S100Z: variants seen among roughly 807,000 people sequenced by gnomAD.
The protein encoded by S100Z is protein S100-Z.
Under a neutral mutation model 8.5 loss-of-function variants are expected in S100Z, and 11 were observed. That is an observed-to-expected ratio of 1.30 (90% CI 0.82 to 2.15). S100Z has a LOEUF of 2.15. Ranked by LOEUF, S100Z falls within the 30% of genes most tolerant of loss-of-function variation. The pLI, the probability that S100Z is intolerant of heterozygous loss-of-function variation, is 0.00. For synonymous variants in S100Z, 34 were observed against 43.8 expected, an observed-to-expected ratio of 0.78 and a Z score of 0.89; for missense variants, 126 against 117.9, an observed-to-expected ratio of 1.07 and a Z score of -0.32.
rs140591997 is a variant in S100Z, at chr5:76,873,560, C to T, written c.-56-1744C>T. ...TGACCTCAAGTGATCTGCCTCCCAA[C>T]GTGCTGGGATTACAGGATTGAGCCA... On this transcript the variant is annotated intron_variant, in intron 2 of 4. Coordinates refer to ENST00000317593, the MANE Select transcript of S100Z (RefSeq NM_130772.4). 3.2e-3 allele frequency among the ~76,000 whole-genome samples: 486 copies of T among 152,112 alleles called. 1 individual carries two copies. Among genetic ancestry groups the T allele is most frequent in the African/African-American group, 0.011 (462 of 41,504 alleles).
At chr5:76,944,440 A>G in the S100Z span, among the ~76,000 whole-genome samples, 4 of 152,184 alleles carry the variant, frequency 2.6e-5, no homozygotes, top group Non-Finnish European at 4.4e-5. Flanking sequence ...TAAAAGTTAG[A>G]ATAAAATATG....
At chr5:76,898,541 T>C (rs932612759) in intron 4 of S100Z, among the ~76,000 whole-genome samples, 56 of 152,340 alleles carry the variant, frequency 3.7e-4, no homozygotes, top group African/African-American at 1.3e-3. Flanking sequence ...AAATACCTTT[T>C]CAGCATCAAC....
the S100Z span, among the ~76,000 whole-genome samples, chr5:76,942,722 T>A: frequency 7.9e-5 from 12 of 152,276 alleles, no homozygotes; most frequent in African/African-American, 2.6e-4. Context: ...TTTTTACAGA[T>A]GTTGATTCAG....
At chr5:76,927,304 C>T in the S100Z span, among the ~76,000 whole-genome samples, 1 of 152,196 alleles carries the variant, frequency 6.6e-6, no homozygotes, top group Non-Finnish European at 1.5e-5. Context: ...ACCTTCAACT[C>T]ATACCATGTT....
At chr5:76,882,187 TAG>T (rs1487571304) in intron 4 of S100Z, among the ~76,000 whole-genome samples, 2 of 152,096 alleles carry the variant, frequency 1.3e-5, no homozygotes, top group Non-Finnish European at 2.9e-5. Flanking sequence ...ATGAGAACTA[TAG>T]AGAGTGAGTT....
chr5:76,864,295 G>A (rs1751181682), intron 1 of S100Z, among the ~76,000 whole-genome samples: 1 of 149,746 alleles, frequency 6.7e-6, no homozygotes, highest in African/African-American at 2.5e-5. Flanking sequence ...CAAACCTGCT[G>A]TGTTTCCAGT....
chr5:76,886,803 A>T (rs1022284013), intron 4 of S100Z, among the ~76,000 whole-genome samples: 1 of 152,118 alleles, frequency 6.6e-6, no homozygotes, highest in Non-Finnish European at 1.5e-5. Context: ...ATTCTCAAGG[A>T]TAGGGAGAAT....
intron 1 of S100Z, among the ~76,000 whole-genome samples, chr5:76,863,706 T>G (rs1159824931): frequency 6.6e-6 from 1 of 151,378 alleles, no homozygotes; most frequent in South Asian, 2.1e-4. Context: ...ACCCAGCTAA[T>G]TTTTTGTATT....
intron 4 of S100Z, among the ~76,000 whole-genome samples, chr5:76,908,537 T>C (rs1744537504): frequency 6.6e-6 from 1 of 152,184 alleles, no homozygotes; most frequent in South Asian, 2.1e-4. Flanking sequence ...TTACCTCCTT[T>C]TGGCACCTGG....
At chr5:76,899,415 T>C (rs754633024) in intron 4 of S100Z, among the ~76,000 whole-genome samples, 3 of 152,026 alleles carry the variant, frequency 2.0e-5, no homozygotes, top group Admixed American at 6.6e-5. Context: ...TTTTGTGGTC[T>C]TCTCTTCCTT....
chr5:76,940,105 C>T, the S100Z span, among the ~76,000 whole-genome samples: 4 of 145,386 alleles, frequency 2.8e-5, no homozygotes, highest in African/African-American at 7.7e-5. Flanking sequence ...TGCAGTGAGC[C>T]GAGATCATGC....
At chr5:76,878,655 G>C (rs1743286035) in intron 4 of S100Z, among the ~76,000 whole-genome samples, 1 of 152,188 alleles carries the variant, frequency 6.6e-6, no homozygotes, top group South Asian at 2.1e-4. Context: ...AAGAAAGGGA[G>C]TGATATGATT....
intron 4 of S100Z, among the ~76,000 whole-genome samples, chr5:76,884,484 T>C (rs558829356): frequency 1.3e-5 from 2 of 152,298 alleles, no homozygotes; most frequent in African/African-American, 4.8e-5. Context: ...GAAGTCAGGA[T>C]GACATTTAAG....
intron 4 of S100Z, among the ~76,000 whole-genome samples, chr5:76,908,046 A>G (rs1744519134): frequency 1.3e-5 from 2 of 152,048 alleles, no homozygotes; most frequent in African/African-American, 2.4e-5. Context: ...TGGGAAGACT[A>G]CCTGACCCTG....
At chr5:76,943,426 T>C in the S100Z span, among the ~76,000 whole-genome samples, 2 of 152,242 alleles carry the variant, frequency 1.3e-5, no homozygotes, top group Non-Finnish European at 2.9e-5. Context: ...GAAAGAGAAT[T>C]AGCCTCTACC....
chr5:76,852,686 G>T (rs921740112), intron 1 of S100Z, among the ~76,000 whole-genome samples: 2 of 152,182 alleles, frequency 1.3e-5, no homozygotes. Flanking sequence ...CTGCACTCCA[G>T]CCTGGGTGAC....
At chr5:76,916,377 G>GA (rs1278266873) in intron 4 of S100Z, among the ~76,000 whole-genome samples, 2 of 151,972 alleles carry the variant, frequency 1.3e-5, no homozygotes, top group African/African-American at 2.4e-5. Context: ...ACAATTGATA[G>GA]AAAAGCTAGA....
chr5:76,853,230 C>T (rs1750780997), intron 1 of S100Z, among the ~76,000 whole-genome samples: 2 of 152,162 alleles, frequency 1.3e-5, no homozygotes, highest in South Asian at 4.1e-4. Flanking sequence ...AATAATCCTC[C>T]ATAGATGGTC....
intron 1 of S100Z, among the ~76,000 whole-genome samples, chr5:76,861,379 G>A (rs755752275): frequency 3.9e-4 from 59 of 150,718 alleles, no homozygotes; most frequent in African/African-American, 1.3e-3. Flanking sequence ...TTGCTCTTTC[G>A]CCCAGGCTGG....
Sources: gnomAD v4.1 joint callset for allele counts (sites outside exome capture counted in the v4.1 genomes callset) on GRCh38, gnomAD v4.1.1 for gene constraint, MANE v1.5 for transcripts, NCBI Gene and HGNC (gene_info 2026-07-23, HGNC 2026-07-21) for gene names.